The following TTYH1 variants were observed in gnomAD, a reference collection of about 807,000 sequenced individuals.
TTYH1 encodes protein tweety homolog 1.
TTYH1 carries 33 observed loss-of-function variants against 61.2 expected under a neutral mutation model. The observed-to-expected ratio is 0.54, with a 90% CI of 0.41 to 0.72. The LOEUF is 0.72. Among genes scored for constraint, TTYH1 ranks in the 30% least tolerant of loss-of-function variants. TTYH1 has a pLI of 0.00. For missense variants in TTYH1, 538 were observed against 575.8 expected, an observed-to-expected ratio of 0.93 and a Z score of 0.67; for synonymous variants, 308 against 266.4, an observed-to-expected ratio of 1.16 and a Z score of -1.52.
chr19:54,424,191 A>T (rs1326787678), intron 4 of TTYH1, among the ~76,000 whole-genome samples: 3 of 149,562 alleles, frequency 2.0e-5, no homozygotes, highest in African/African-American at 7.4e-5. Flanking sequence ...ATAGAGGGAG[A>T]TGAGGTGGGA....
Position 54,422,312 on chromosome 19 carries a change from G to A in TTYH1, c.540G>A (p.Glu180=), listed in dbSNP as rs768578168. ...AAARGARRQA[E]AAAQQLQGLA... ...CCCGAGGGGCTCGACGGCAGGCGGA[G>A]GCTGCGGCCCAGCAGCTGCAGGGGC... The change falls in exon 4 of 14, where the codon GAG becomes GAA. Residue 180 remains glutamate, a synonymous_variant. Transcript: ENST00000376530. The A allele has an allele frequency of 6.4e-7, 1 of 1,565,040 alleles. No homozygotes were observed. Among genetic ancestry groups the A allele is most frequent in the African/African-American group, 1.3e-5 (1 of 74,076 alleles).
rs1483801070 is a variant in TTYH1 at position 54,429,318 on chromosome 19, T to C, written c.746T>C (p.Met249Thr). Residue 249 changes from methionine to threonine, a missense_variant, in exon 6 of 14, where the codon ATG becomes ACG. Transcript: ENST00000376530. This position sits in a 1 kb window ranked among gnomAD's most constrained non-coding sequence, Gnocchi z 5.1. ...SKWLVIVMTV[M>T]SLLVLVLSWG... Reference sequence around the variant, plus strand: ...CTCCCCCACTCTAGGATGACAGTCATGAGTCTCCTGGTTCTCGTCCTGAGC... The same window carrying C: ...CTCCCCCACTCTAGGATGACAGTCACGAGTCTCCTGGTTCTCGTCCTGAGC... The C allele has an allele frequency of 6.2e-7, 1 of 1,613,984 alleles. No individual in the cohort carries two copies. Among genetic ancestry groups the C allele is most frequent in the Non-Finnish European group, 8.5e-7 (1 of 1,180,002 alleles).
At position 54,420,697 on chromosome 19, in the gene TTYH1, C is replaced by A. The variant is rs73058127; in HGVS notation, c.306-580C>A. On this transcript the variant is annotated intron_variant, in intron 2 of 13. Transcript: ENST00000376530. The surrounding 1 kb of genome is among the most constrained non-coding windows in gnomAD (Gnocchi z 4.8). ...TCCCTTACTTCCCTCCCAGCTGGCCCGACGCTTGGGTCCCGGGTGGGGGAA... is the reference window on the plus strand; with the variant it reads ...TCCCTTACTTCCCTCCCAGCTGGCCAGACGCTTGGGTCCCGGGTGGGGGAA... 0.11 allele frequency: 18,596 copies of A among 168,260 alleles called. 1,152 individuals are homozygous for A. Among genetic ancestry groups the A allele is most frequent in the Non-Finnish European group, 0.14 (9,557 of 69,210 alleles). 10.4% of individuals were successfully genotyped at this position (168,260 alleles called of 1,614,324 possible). A position where few individuals can be genotyped will look rare whatever the true frequency, so the allele number is the denominator to read the frequency against.
chr19:54,436,142 G>A lies in TTYH1; in HGVS notation c.*13G>A, dbSNP rs771837621. The A allele has an allele frequency of 5.6e-6, 9 of 1,614,046 alleles. No individual in the cohort carries two copies. The highest frequency in any genetic ancestry group is 2.7e-5 in the African/African-American group (2 of 75,030). ...GTCGTCTATCTGAGCCCCTCCTCCCGGCTGGACTGGAGCCTGGCTCCCCTC... is the reference window on the plus strand; with the variant it reads ...GTCGTCTATCTGAGCCCCTCCTCCCAGCTGGACTGGAGCCTGGCTCCCCTC... On this transcript the variant is annotated 3_prime_UTR_variant, in exon 13 of 14. Coordinates refer to ENST00000376530, the MANE Select transcript of TTYH1 (RefSeq NM_020659.4). The surrounding 1 kb of genome is among the most constrained non-coding windows in gnomAD (Gnocchi z 4.3).
chr19:54,421,894 G>A lies in TTYH1; in HGVS notation c.418-296G>A, dbSNP rs550276089. 2.1e-4 allele frequency among the ~76,000 whole-genome samples: 32 copies of A among 152,174 alleles called. No individual in the cohort carries two copies. The highest frequency in any genetic ancestry group is 4.3e-4 in the Non-Finnish European group (29 of 68,028). On this transcript the variant is annotated intron_variant, in intron 3 of 13. Transcript: ENST00000376530. The surrounding 1 kb of genome is among the most constrained non-coding windows in gnomAD (Gnocchi z 4.8). ...TTGAGACCCCAGATTCTGGAAGGCA[G>A]ATGAAAACTTCAGACCTAAAGCTCC...
At position 54,429,496 on chromosome 19, in the gene TTYH1, G is replaced by GCCCTAAAC; in HGVS notation, c.807+118_807+119insCCTAAACC. On this transcript the variant is annotated intron_variant, in intron 6 of 13. Transcript: ENST00000376530. The surrounding 1 kb of genome is among the most constrained non-coding windows in gnomAD (Gnocchi z 5.1). ...AAAGGAATTGGGGGGCACGATCACA[G>GCCCTAAAC]CTCTGAGGTTTAGGGCTTGTTTCCT... 1 of 953,864 alleles carries GCCCTAAAC rather than the reference G, an allele frequency of 1.0e-6. No individual in the cohort carries two copies. The highest frequency in any genetic ancestry group is 1.6e-6 in the Non-Finnish European group (1 of 613,814). The allele number at this position is 953,864 out of a possible 1,614,324, so 59.1% of individuals were successfully genotyped here. A position where few individuals can be genotyped will look rare whatever the true frequency, so the allele number is the denominator to read the frequency against.
chr19:54,424,116 G>C (rs145842000), intron 4 of TTYH1, among the ~76,000 whole-genome samples: 8 of 151,788 alleles, frequency 5.3e-5, no homozygotes, highest in Non-Finnish European at 8.8e-5. Flanking sequence ...AGCAGAGATC[G>C]TGCCACTGCA....
intron 7 of TTYH1, 73 bp downstream of exon 7, chr19:54,430,030 G>GC: frequency 7.5e-7 from 1 of 1,341,058 alleles, no homozygotes. Context: ...CCTCCTCTGT[G>GC]CCCGGTCCTG....
In TTYH1 at chr19:54,434,066, CTT is replaced by C. The variant is rs1433893879; in HGVS notation, c.1126-1475_1126-1474del. The C allele has an allele frequency of 6.6e-6, 1 of 152,356 alleles. No individual in the cohort carries two copies. The highest frequency in any genetic ancestry group is 2.4e-5 in the African/African-American group (1 of 41,432). The allele number at this position is 152,356 out of a possible 1,614,324, so 9.4% of individuals were successfully genotyped here. On this transcript the variant is annotated intron_variant, in intron 10 of 13. Transcript: ENST00000376530. The surrounding 1 kb of genome is among the most constrained non-coding windows in gnomAD (Gnocchi z 4.3). ...GGTGCTCCTGCCAGAAACTCAGGCT[CTT>C]AGCTCCCACAACCATTCTCAGAACA... is the stretch of plus-strand genomic sequence containing the variant.
chr19:54,427,087 A>G (rs925616431), intron 5 of TTYH1, among the ~76,000 whole-genome samples: 1 of 151,856 alleles, frequency 6.6e-6, no homozygotes, highest in Non-Finnish European at 1.5e-5. Flanking sequence ...TCATGAGGTC[A>G]GGAGTTTGAG....
Position 54,419,461 on chromosome 19 carries a change from C to G in TTYH1, c.305+155C>G. 3.7e-6 allele frequency: 3 copies of G among 802,562 alleles called. No homozygotes were observed. Among genetic ancestry groups the G allele is most frequent in the Non-Finnish European group, 6.3e-6 (3 of 477,024 alleles). 49.7% of individuals were successfully genotyped at this position (802,562 alleles called of 1,614,324 possible). On this transcript the variant is annotated intron_variant, in intron 2 of 13. Transcript: ENST00000376530. The surrounding 1 kb of genome is among the most constrained non-coding windows in gnomAD (Gnocchi z 6.1). ...CCTGCCATTTGCAAGCCCACTTCAGCGCACAGCAGGAAGGACTGTCCCATT... is the reference window on the plus strand; with the variant it reads ...CCTGCCATTTGCAAGCCCACTTCAGGGCACAGCAGGAAGGACTGTCCCATT...
At chr19:54,430,407 G>A (rs1041720106) in intron 7 of TTYH1, 143 bp from the exon 8 acceptor site, 6 of 858,940 alleles carry the variant, frequency 7.0e-6, no homozygotes, top group Admixed American at 1.9e-5. Context: ...CGGGGCTGGC[G>A]GGTCTCTGAA....
At chr19:54,431,358 A>C in intron 10 of TTYH1, 167 bp downstream of exon 10, 1 of 599,892 alleles carries the variant, frequency 1.7e-6, no homozygotes. Context: ...ACCTATTTAT[A>C]ACCTGTCGTC....
chr19:54,421,375 C>T lies in TTYH1; in HGVS notation c.404C>T (p.Thr135Ile). ...CTGCACGCCAACCACACACTCAGCA[C>T]CATTGACCACCTGGTGAGGGGCCAG... ...ALLHANHTLS[T>I]IDHLVLETVE... The change falls in exon 3 of 14, where the codon ACC becomes ATC. Residue 135 changes from threonine (T) to isoleucine (I), a missense_variant. By Grantham distance (89) the Thr-to-Ile change is moderately conservative (BLOSUM62 -1). This residue lies in a region of TTYH1 where 378 missense variants were observed against 401.2 expected (regional missense o/e 0.94). Transcript: ENST00000376530. The surrounding 1 kb of genome is among the most constrained non-coding windows in gnomAD (Gnocchi z 4.8). 6.2e-7 allele frequency: 1 copy of T among 1,612,672 alleles called. No homozygotes were observed. Among genetic ancestry groups the T allele is most frequent in the South Asian group, 1.1e-5 (1 of 91,078 alleles).
At chr19:54,428,888 G>A (rs2083380828) in intron 5 of TTYH1, among the ~76,000 whole-genome samples, 1 of 152,144 alleles carries the variant, frequency 6.6e-6, no homozygotes, top group South Asian at 2.1e-4. Flanking sequence ...CACCCGGAAA[G>A]TCCAGAGACT....
At chr19:54,426,394 C>G in intron 4 of TTYH1, 1 of 487,146 alleles carries the variant, frequency 2.1e-6, no homozygotes, top group Non-Finnish European at 3.7e-6. Flanking sequence ...TCACGTGTCC[C>G]TGGTCACAGG....
Position 54,415,955 on chromosome 19 carries a change from G to C in TTYH1, c.126+277G>C. On this transcript the variant is annotated intron_variant, in intron 1 of 13. Transcript: ENST00000376530. This position sits in a 1 kb window ranked among gnomAD's most constrained non-coding sequence, Gnocchi z 5.2. ...CATGGAGAGGAGGGGAGGGGGGCCC[G>C]GATTCCCGGGTGTCTGATACCTGCC... The C allele has an allele frequency of 8.9e-7, 1 of 1,120,276 alleles. No individual in the cohort carries two copies. The highest frequency in any genetic ancestry group is 1.2e-6 in the Non-Finnish European group (1 of 801,940). The allele number at this position is 1,120,276 out of a possible 1,614,324, so 69.4% of individuals were successfully genotyped here. A position where few individuals can be genotyped will look rare whatever the true frequency, so the allele number is the denominator to read the frequency against.
At chr19:54,431,422 C>G (rs1470879204) in intron 10 of TTYH1, 2 of 553,450 alleles carry the variant, frequency 3.6e-6, no homozygotes, top group Admixed American at 3.4e-5. Context: ...CCCTTTCCCC[C>G]CAACTCCCGC....
In TTYH1 at chr19:54,429,724, A is replaced by AGGGGCCT. The variant is rs1569264047; in HGVS notation, c.808-148_808-142dup. ...TCTGAACCCCTGAGTCTGAGGGACG[A>AGGGGCCT]GGGGCCTGGGGCCTGGACTCCTGAG... On this transcript the variant is annotated intron_variant, in intron 6 of 13. Transcript: ENST00000376530. This position sits in a 1 kb window ranked among gnomAD's most constrained non-coding sequence, Gnocchi z 5.1. 1.3e-5 allele frequency among the ~76,000 whole-genome samples: 2 copies of AGGGGCCT among 149,198 alleles called. No individual in the cohort carries two copies. The highest frequency in any genetic ancestry group is 2.5e-5 in the African/African-American group (1 of 40,176).
Sources: gnomAD v4.1 joint callset for allele counts (sites outside exome capture counted in the v4.1 genomes callset) on GRCh38, gnomAD v4.1.1 for gene constraint, gnomAD v4.1.1 regional missense constraint, Gnocchi (gnomAD v3.1) non-coding constraint, MANE v1.5 for transcripts, NCBI Gene and HGNC (gene_info 2026-07-23, HGNC 2026-07-21) for gene names.